The following JAKMIP1 variants were observed in gnomAD, a reference collection of about 807,000 sequenced individuals.
JAKMIP1 encodes the protein janus kinase and microtubule interacting protein 1.
JAKMIP1 carries 33 observed loss-of-function variants against 113.0 expected under a neutral mutation model. The ratio of observed to expected loss-of-function variants is 0.29; its 90% CI spans 0.22 to 0.39. The LOEUF is 0.39. Among genes scored for constraint, JAKMIP1 ranks in the 10% least tolerant of loss-of-function variants. The probability of loss-of-function intolerance (pLI) is 1.00; values close to 1 mark genes in which losing one functional copy is unlikely to be tolerated. For synonymous variants in JAKMIP1, 480 were observed against 459.9 expected, an observed-to-expected ratio of 1.04 and a Z score of -0.56; for missense variants, 813 against 1,080.5, an observed-to-expected ratio of 0.75 and a Z score of 3.47.
At chr4:6,120,664 C>T (rs1560221481) in intron 1 of JAKMIP1, among the ~76,000 whole-genome samples, 1 of 152,200 alleles carries the variant, frequency 6.6e-6, no homozygotes, top group East Asian at 1.9e-4. Context: ...TGATGGTGGC[C>T]ATGCTGTTTA....
In JAKMIP1 at chr4:6,088,691, G is replaced by A. The variant is rs148743597; in HGVS notation, c.625-3062C>T. On this transcript the variant is annotated intron_variant, in intron 3 of 20. Coordinates refer to ENST00000409021, the MANE Select transcript of JAKMIP1 (RefSeq NM_001099433.2). The surrounding 1 kb of genome is among the most constrained non-coding windows in gnomAD (Gnocchi z 5.5). The stretch of plus-strand genomic sequence containing the variant: ...AGGTTAAGACACTGGCCACGCTCAC[G>A]TAGCAAGAGGCAGGCACACTCACAG... Among the ~76,000 whole-genome samples the A allele has an allele frequency of 2.9e-3, 442 of 152,258 alleles. No individual in the cohort carries two copies. Among genetic ancestry groups the A allele is most frequent in the African/African-American group, 0.01 (418 of 41,566 alleles).
intron 1 of JAKMIP1, among the ~76,000 whole-genome samples, chr4:6,130,181 TATAA>T (rs1304433184): frequency 3.3e-5 from 5 of 152,170 alleles, no homozygotes; most frequent in African/African-American, 1.2e-4. Context: ...GGGGACTCTA[TATAA>T]GAGGAAGGGA....
rs2108766663 is a variant in JAKMIP1 at position 6,049,895 on chromosome 4, A to G, written c.1909-23T>C. 1.3e-6 allele frequency: 2 copies of G among 1,589,488 alleles called. No homozygotes were observed. The highest frequency in any genetic ancestry group is 2.2e-5 in the East Asian group (1 of 44,752). On this transcript the variant is annotated intron_variant, in intron 14 of 20. Coordinates refer to ENST00000409021, the MANE Select transcript of JAKMIP1 (RefSeq NM_001099433.2). The surrounding 1 kb of genome is among the most constrained non-coding windows in gnomAD (Gnocchi z 7.0). The stretch of plus-strand genomic sequence containing the variant: ...ATCCTGGAAGAGATTTCCAACGTTC[A>G]TTTTTGTGTGAGCTACAGAGACCAA...
At chr4:6,191,940 T>TATTTATTTATTTATTA (rs1553866676) in intron 1 of JAKMIP1, among the ~76,000 whole-genome samples, 1 of 151,474 alleles carries the variant, frequency 6.6e-6, no homozygotes, top group East Asian at 1.9e-4. Flanking sequence ...TTTATTTATT[T>TATTTATTTATTTATTA]ATTTATTTTG....
rs1720051939 is a variant in JAKMIP1, at chr4:6,140,956, A to G, written c.-147-27959T>C. ...CAGAAGCTGAGGTCCAAAGAGGGAA[A>G]ATCACTTGCCTAAGACCCCAGAGCT... On this transcript the variant is annotated intron_variant, in intron 1 of 20. Transcript: ENST00000409021. This position sits in a 1 kb window ranked among gnomAD's most constrained non-coding sequence, Gnocchi z 9.4. Among the ~76,000 whole-genome samples, 1 of 152,278 alleles carries G rather than the reference A, an allele frequency of 6.6e-6. No homozygotes were observed. Among genetic ancestry groups the G allele is most frequent in the Non-Finnish European group, 1.5e-5 (1 of 68,032 alleles).
intron 7 of JAKMIP1, 49 bp from the exon 8 acceptor site, chr4:6,079,047 C>T (rs747180542): frequency 5.5e-5 from 88 of 1,605,040 alleles, no homozygotes; most frequent in East Asian, 2.7e-4. Flanking sequence ...TCACATCTCA[C>T]AAACCAAAGC....
In JAKMIP1 at chr4:6,098,788, ATT is replaced by A. The variant is rs1351163879; in HGVS notation, c.624+6683_624+6684del. Among the ~76,000 whole-genome samples the A allele has an allele frequency of 3.9e-4, 43 of 111,630 alleles. No individual in the cohort carries two copies. In the East Asian group the frequency reaches 4.9e-3, roughly 13 times the overall value. The allele number at this position is 111,630 out of a possible 152,430, so 73.2% of individuals were successfully genotyped here. A position where few individuals can be genotyped will look rare whatever the true frequency, so the allele number is the denominator to read the frequency against. On this transcript the variant is annotated intron_variant, in intron 3 of 20. Transcript: ENST00000409021. Reference sequence around the variant, plus strand: ...AAAGAAAAGAAAGAAAGAAAGAAAGATTGATTCCTGATGCTCGAGAAGGCTGG... The same window carrying A: ...AAAGAAAAGAAAGAAAGAAAGAAAGAGATTCCTGATGCTCGAGAAGGCTGG...
At chr4:6,038,002 G>A (rs1483915944) in intron 18 of JAKMIP1, among the ~76,000 whole-genome samples, 2 of 130,648 alleles carry the variant, frequency 1.5e-5, no homozygotes, top group Non-Finnish European at 3.1e-5. Context: ...CTCCATCACT[G>A]AGGCAGAGGT....
At chr4:6,147,359 A>G (rs1216638555) in intron 1 of JAKMIP1, among the ~76,000 whole-genome samples, 1 of 152,222 alleles carries the variant, frequency 6.6e-6, no homozygotes, top group Non-Finnish European at 1.5e-5. Flanking sequence ...ACAAGGAAAT[A>G]GTAACTGGCT....
At chr4:6,066,403 G>C (rs1578137861) in intron 8 of JAKMIP1, among the ~76,000 whole-genome samples, 1 of 152,130 alleles carries the variant, frequency 6.6e-6, no homozygotes, top group African/African-American at 2.4e-5. Flanking sequence ...TCTTGCATTT[G>C]GCACCTGTCT....
Position 6,199,071 on chromosome 4 carries a change from A to G in JAKMIP1, c.-148+1182T>C, listed in dbSNP as rs906035474. On this transcript the variant is annotated intron_variant, in intron 1 of 20. Coordinates refer to ENST00000409021, the MANE Select transcript of JAKMIP1 (RefSeq NM_001099433.2). This position sits in a 1 kb window ranked among gnomAD's most constrained non-coding sequence, Gnocchi z 5.6. Reference sequence around the variant, plus strand: ...CGTTCCAGGAAAGCTCAGGAGGGGCAAGGGGATCTCCCTGACTACAAGGAG... The same window carrying G: ...CGTTCCAGGAAAGCTCAGGAGGGGCGAGGGGATCTCCCTGACTACAAGGAG... Among the ~76,000 whole-genome samples, 5 of 152,396 alleles carry G rather than the reference A, an allele frequency of 3.3e-5. No individual in the cohort carries two copies. The highest frequency in any genetic ancestry group is 4.4e-5 in the Non-Finnish European group (3 of 68,042).
At chr4:6,085,106 G>A (rs912772941) in intron 4 of JAKMIP1, 141 bp from the exon 5 acceptor site, 1 of 1,099,724 alleles carries the variant, frequency 9.1e-7, no homozygotes, top group Non-Finnish European at 1.3e-6. Context: ...CAGCAAGGTG[G>A]GGAACACCCA....
At position 6,106,202 on chromosome 4, in the gene JAKMIP1, C is replaced by G. The variant is rs1578249968; in HGVS notation, c.130-235G>C. On this transcript the variant is annotated intron_variant, in intron 2 of 20. Transcript: ENST00000409021. The surrounding 1 kb of genome is among the most constrained non-coding windows in gnomAD (Gnocchi z 5.9). ...GACTTTCCCTGGGGGTGGAAACCCC[C>G]TGAGGATGCTGGAGAGGCATTCAAG... 2.0e-5 allele frequency among the ~76,000 whole-genome samples: 3 copies of G among 152,226 alleles called. No individual in the cohort carries two copies. Among genetic ancestry groups the G allele is most frequent in the African/African-American group, 7.2e-5 (3 of 41,466 alleles).
At chr4:6,035,641 A>G (rs1713316405) in intron 19 of JAKMIP1, among the ~76,000 whole-genome samples, 1 of 152,186 alleles carries the variant, frequency 6.6e-6, no homozygotes, top group South Asian at 2.1e-4. Context: ...GATGCTGGAG[A>G]AGGAGGGCCG....
At chr4:6,095,965 G>A (rs1027371775) in intron 3 of JAKMIP1, among the ~76,000 whole-genome samples, 1 of 152,174 alleles carries the variant, frequency 6.6e-6, no homozygotes, top group African/African-American at 2.4e-5. Flanking sequence ...GGGAAAAGGT[G>A]GCATATAACT....
chr4:6,114,796 G>A (rs368444601), intron 1 of JAKMIP1, among the ~76,000 whole-genome samples: 5 of 152,134 alleles, frequency 3.3e-5, no homozygotes, highest in African/African-American at 7.2e-5. Flanking sequence ...CTGACCTGCC[G>A]CTTTTATAAC....
At position 6,105,488 on chromosome 4, in the gene JAKMIP1, G is replaced by C; in HGVS notation, c.609C>G (p.Arg203=). ...CGGCACGTACCAGCCTGCGGATGTC[G>C]CGCTCGCACTCGCGCTTGATGCGGT... ...EVHRIKRECE[R]DIRRLMDEIK... is the part of the protein sequence containing the mutation. Residue 203 remains arginine, a synonymous_variant, in exon 3 of 21, where the codon CGC becomes CGG. Transcript: ENST00000409021. The C allele has an allele frequency of 6.2e-7, 1 of 1,602,306 alleles. No homozygotes were observed. The highest frequency in any genetic ancestry group is 8.5e-7 in the Non-Finnish European group (1 of 1,174,778).
rs1157597073 is a variant in JAKMIP1 at position 6,158,986 on chromosome 4, G to C, written c.-148+41267C>G. ...CACCTATAGTCCCAGCTATTCAAGA[G>C]GCTGAGGTAGGAAGATAGCTTGAGC... On this transcript the variant is annotated intron_variant, in intron 1 of 20. Transcript: ENST00000409021. This position sits in a 1 kb window ranked among gnomAD's most constrained non-coding sequence, Gnocchi z 5.3. Among the ~76,000 whole-genome samples, 1 of 152,018 alleles carries C rather than the reference G, an allele frequency of 6.6e-6. No homozygotes were observed. Among genetic ancestry groups the C allele is most frequent in the Non-Finnish European group, 1.5e-5 (1 of 68,020 alleles).
chr4:6,109,500 G>T (rs1714564803), intron 2 of JAKMIP1, among the ~76,000 whole-genome samples: 1 of 151,830 alleles, frequency 6.6e-6, no homozygotes, highest in Non-Finnish European at 1.5e-5. Flanking sequence ...CCCCTGTGAA[G>T]CCTTGGGTTC....
Sources: gnomAD v4.1 joint callset for allele counts (sites outside exome capture counted in the v4.1 genomes callset) on GRCh38, gnomAD v4.1.1 for gene constraint, Gnocchi (gnomAD v3.1) non-coding constraint, MANE v1.5 for transcripts, NCBI Gene and HGNC (gene_info 2026-07-23, HGNC 2026-07-21) for gene names.